RNF111: variants seen among roughly 807,000 people sequenced by gnomAD.
RNF111 encodes the protein ring finger protein 111.
Under a neutral mutation model 95.1 loss-of-function variants are expected in RNF111, and 17 were observed. The ratio of observed to expected loss-of-function variants is 0.18; its 90% CI spans 0.12 to 0.27. RNF111 has a LOEUF of 0.27. RNF111 is among the 10% of genes least tolerant of loss of function. The pLI is 1.00. For synonymous variants in RNF111, 440 were observed against 414.8 expected (o/e 1.06, Z -0.74); for missense variants, 1,189 against 1,210.4 (o/e 0.98, Z 0.26).
In RNF111 at chr15:59,095,729, G is replaced by A. The variant is rs2079166135; in HGVS notation, c.*829G>A. 2 of 317,688 alleles carry A rather than the reference G, an allele frequency of 6.3e-6. No individual in the cohort carries two copies. The highest frequency in any genetic ancestry group is 3.2e-4 in the South Asian group (2 of 6,334). The allele number at this position is 317,688 out of a possible 1,614,324, so 19.7% of individuals were successfully genotyped here. ...ATTAGCTAGATTGTACATACTTGCAGATTTAACAAAATTTTAGGGAAATTG... is the reference window on the plus strand; with the variant it reads ...ATTAGCTAGATTGTACATACTTGCAAATTTAACAAAATTTTAGGGAAATTG... On this transcript the variant is annotated 3_prime_UTR_variant, in exon 14 of 14. Transcript: ENST00000348370.
intron 5 of RNF111, among the ~76,000 whole-genome samples, chr15:59,064,925 C>G (rs1229484068): frequency 7.9e-5 from 12 of 152,130 alleles, no homozygotes; most frequent in Admixed American, 2.6e-4. Context: ...GAAGCACCCC[C>G]CTACCCAGGT....
chr15:59,089,948 G>A (rs570768483), intron 11 of RNF111, among the ~76,000 whole-genome samples, 189 bp downstream of exon 11: 12 of 152,168 alleles, frequency 7.9e-5, no homozygotes, highest in Non-Finnish European at 1.0e-4. Context: ...AAAAGTTACC[G>A]AAATATTTAA....
intron 6 of RNF111, among the ~76,000 whole-genome samples, chr15:59,072,785 T>A (rs12437587): frequency 0.39 from 59,649 of 151,536 alleles, 13,709 homozygotes; most frequent in African/African-American, 0.63. Flanking sequence ...TATCTTTACC[T>A]GGAGAAGATT....
chr15:58,988,754 T>G (rs2141330641), intron 1 of RNF111, among the ~76,000 whole-genome samples: 1 of 152,350 alleles, frequency 6.6e-6, no homozygotes, highest in South Asian at 2.1e-4. Context: ...CCAGAAAGTA[T>G]GAGGTATTCA....
chr15:59,011,215 CTT>C (rs1188410477), intron 1 of RNF111, among the ~76,000 whole-genome samples: 1 of 152,176 alleles, frequency 6.6e-6, no homozygotes, highest in Non-Finnish European at 1.5e-5. Context: ...TCCTGGAAAA[CTT>C]TTCCTGGTAC....
intron 1 of RNF111, among the ~76,000 whole-genome samples, chr15:59,028,869 T>TC (rs2040758670): frequency 1.3e-5 from 2 of 151,698 alleles, no homozygotes; most frequent in African/African-American, 4.8e-5. Context: ...AACCTCTGCC[T>TC]CCCAGGTTCA....
intron 1 of RNF111, among the ~76,000 whole-genome samples, chr15:58,997,282 G>T (rs1335282338): frequency 1.3e-5 from 2 of 152,084 alleles, no homozygotes; most frequent in East Asian, 3.9e-4. Context: ...AGTGTGGTCT[G>T]TTGACTCTTG....
chr15:59,004,377 T>G (rs767571140), intron 1 of RNF111, among the ~76,000 whole-genome samples: 2 of 151,604 alleles, frequency 1.3e-5, no homozygotes, highest in Non-Finnish European at 2.9e-5. Context: ...AGATGAGACT[T>G]AACGTGTACA....
intron 2 of RNF111, among the ~76,000 whole-genome samples, chr15:59,041,266 CT>C (rs1209255276): frequency 6.6e-5 from 10 of 152,036 alleles, no homozygotes; most frequent in Non-Finnish European, 1.0e-4. Context: ...CAATAAATAG[CT>C]TTTCTTGACC....
chr15:58,990,653 C>T (rs2038773344), intron 1 of RNF111, among the ~76,000 whole-genome samples: 1 of 152,092 alleles, frequency 6.6e-6, no homozygotes, highest in South Asian at 2.1e-4. Context: ...GACTGTTTCT[C>T]AAAACAAACA....
At chr15:59,024,262 T>G (rs1567220285) in intron 1 of RNF111, among the ~76,000 whole-genome samples, 4 of 152,216 alleles carry the variant, frequency 2.6e-5, no homozygotes, top group Non-Finnish European at 5.9e-5. Context: ...GCTAGAAATA[T>G]GGCAGTTGTG....
intron 8 of RNF111, among the ~76,000 whole-genome samples, chr15:59,082,906 C>G (rs1175614443): frequency 6.6e-6 from 1 of 152,172 alleles, no homozygotes; most frequent in Non-Finnish European, 1.5e-5. Flanking sequence ...GTCTTATCTT[C>G]CAGTAACTGG....
chr15:58,993,622 A>G (rs1316933219), intron 1 of RNF111, among the ~76,000 whole-genome samples: 9 of 152,174 alleles, frequency 5.9e-5, no homozygotes, highest in Admixed American at 1.3e-4. Flanking sequence ...TTTCGTTTCT[A>G]TTTGTAAATG....
chr15:59,010,116 A>G (rs1405040263), intron 1 of RNF111, among the ~76,000 whole-genome samples: 3 of 152,208 alleles, frequency 2.0e-5, no homozygotes, highest in African/African-American at 7.2e-5. Context: ...ATGGCTAAAA[A>G]CAGATTTTGG....
intron 1 of RNF111, among the ~76,000 whole-genome samples, chr15:58,993,340 C>A (rs1280801931): frequency 2.6e-5 from 4 of 151,876 alleles, no homozygotes; most frequent in South Asian, 4.2e-4. Flanking sequence ...GAAACCTTGT[C>A]TCTACTAAAA....
At chr15:59,068,496 C>T (rs1476563870) in intron 6 of RNF111, among the ~76,000 whole-genome samples, 1 of 152,026 alleles carries the variant, frequency 6.6e-6, no homozygotes. Flanking sequence ...GTCCCAGCTA[C>T]TCGGGAGGCT....
chr15:59,028,356 A>G lies in RNF111; in HGVS notation c.-19-2448A>G, dbSNP rs147271765. On this transcript the variant is annotated intron_variant, in intron 1 of 13. Coordinates refer to ENST00000348370, the MANE Select transcript of RNF111 (RefSeq NM_017610.8). ...AAGGGGAAACCATTCTGAGTCCCCC[A>G]GTGGATGCCTGAAACCATATAGTGT... Among the ~76,000 whole-genome samples, 1,054 of 151,828 alleles carry G rather than the reference A, an allele frequency of 6.9e-3. 11 individuals are homozygous for G. The highest frequency in any genetic ancestry group is 0.024 in the African/African-American group (997 of 41,458).
intron 2 of RNF111, among the ~76,000 whole-genome samples, chr15:59,048,811 G>C (rs2041831570): frequency 6.6e-6 from 1 of 152,144 alleles, no homozygotes; most frequent in Non-Finnish European, 1.5e-5. Flanking sequence ...ATTGGGACCA[G>C]GTGCAGTGGC....
At position 59,092,553 on chromosome 15, in the gene RNF111, A is replaced by C; in HGVS notation, c.2756A>C (p.Lys919Thr). The C allele has an allele frequency of 6.2e-7, 1 of 1,612,946 alleles. No individual in the cohort carries two copies. ...HKYKKRKLHC[K>T]QDGEEGTEED... is the part of the protein sequence containing the mutation. ...TTCTCACAGAGGAAACTGCACTGCA[A>C]ACAAGATGGGGAAGAAGGGACTGAG... Residue 919 changes from lysine (K) to threonine (T), a missense_variant, in exon 13 of 14, where the codon AAA (lysine) becomes ACA (threonine). Coordinates refer to ENST00000348370, the MANE Select transcript of RNF111 (RefSeq NM_017610.8).
Sources: gnomAD v4.1 joint callset for allele counts (sites outside exome capture counted in the v4.1 genomes callset) on GRCh38, gnomAD v4.1.1 for gene constraint, MANE v1.5 for transcripts, NCBI Gene and HGNC (gene_info 2026-07-23, HGNC 2026-07-21) for gene names.